The following GLB1L2 variants were observed in gnomAD, a reference collection of about 807,000 sequenced individuals.
GLB1L2 encodes galactosidase beta 1 like 2, also known as beta-galactosidase-1-like protein 2.
A neutral mutation model predicts 84.1 loss-of-function variants in GLB1L2; 68 were observed. The observed-to-expected ratio is 0.81, with a 90% confidence interval of 0.67 to 0.99. The LOEUF is 0.99. Among genes scored for constraint, GLB1L2 ranks in the 50% least tolerant of loss-of-function variants. The pLI is 0.00. For synonymous variants in GLB1L2, 290 were observed against 318.0 expected (o/e 0.91, Z 0.94); for missense variants, 762 against 805.6 (o/e 0.95, Z 0.66).
chr11:134,349,847 C>G (rs933274960), intron 5 of GLB1L2, among the ~76,000 whole-genome samples: 1 of 152,196 alleles, frequency 6.6e-6, no homozygotes, highest in Non-Finnish European at 1.5e-5. Context: ...ACAGGACCTG[C>G]CAGGACTGGG....
intron 9 of GLB1L2, among the ~76,000 whole-genome samples, chr11:134,368,015 G>A (rs1565441886): frequency 6.6e-6 from 1 of 152,158 alleles, no homozygotes; most frequent in Non-Finnish European, 1.5e-5. Context: ...GTGCATGCTC[G>A]CCCCTCAGCC....
intron 4 of GLB1L2, among the ~76,000 whole-genome samples, chr11:134,345,881 C>T (rs1042450326): frequency 2.0e-5 from 3 of 152,138 alleles, no homozygotes; most frequent in African/African-American, 7.2e-5. Flanking sequence ...CTATCTCGGC[C>T]CACGTGTGTC....
chr11:134,337,121 AACC>A (rs2136256334), intron 1 of GLB1L2, among the ~76,000 whole-genome samples: 1 of 152,318 alleles, frequency 6.6e-6, no homozygotes, highest in East Asian at 1.9e-4. Flanking sequence ...CTGCTCTCTG[AACC>A]ACCAATATTG....
At chr11:134,343,880 G>T (rs1943506714) in intron 2 of GLB1L2, among the ~76,000 whole-genome samples, 1 of 152,218 alleles carries the variant, frequency 6.6e-6, no homozygotes. Flanking sequence ...GGTGGGGCCG[G>T]GAGAAGAGCA....
intron 1 of GLB1L2, among the ~76,000 whole-genome samples, chr11:134,336,524 C>G (rs1943390845): frequency 6.6e-6 from 1 of 152,190 alleles, no homozygotes; most frequent in African/African-American, 2.4e-5. Context: ...CTACTGTAAA[C>G]AAAGCTGCTG....
Position 134,342,894 on chromosome 11 carries a change from A to G in GLB1L2, c.227A>G (p.Glu76Gly). 1 of 1,613,984 alleles carries G rather than the reference A, an allele frequency of 6.2e-7. No individual in the cohort carries two copies. Among genetic ancestry groups the G allele is most frequent in the East Asian group, 2.2e-5 (1 of 44,864 alleles). ...ATCCACTATTTCCGTGTGCCCAGGG[A>G]GTACTGGAGGGACCGCCTGCTGAAG... ...GSIHYFRVPREYWRDRLLKMK... is the reference protein window; with the variant it reads ...GSIHYFRVPRGYWRDRLLKMK... Residue 76 changes from glutamate to glycine, a missense_variant, in exon 2 of 19, where the codon GAG becomes GGG. Glu to Gly is a moderately conservative substitution (Grantham distance 98). This residue lies in a region of GLB1L2 where 59 missense variants were observed against 105.1 expected (regional missense o/e 0.56). Coordinates refer to ENST00000535456, the MANE Select transcript of GLB1L2 (RefSeq NM_001370461.1).
intron 2 of GLB1L2, among the ~76,000 whole-genome samples, chr11:134,343,239 T>TA (rs1233800661): frequency 6.6e-6 from 1 of 152,168 alleles, no homozygotes; most frequent in Non-Finnish European, 1.5e-5. Context: ...CTTTTTGTGT[T>TA]ACAAGCAGTC....
chr11:134,348,447 A>T (rs1943580486), intron 5 of GLB1L2, among the ~76,000 whole-genome samples: 1 of 152,240 alleles, frequency 6.6e-6, no homozygotes, highest in African/African-American at 2.4e-5. Context: ...TCGGGTGGGC[A>T]GCAGGATGGC....
chr11:134,356,234 G>A (rs563239256), intron 5 of GLB1L2, 67 bp from the exon 6 acceptor site: 649 of 1,203,050 alleles, frequency 5.4e-4, no homozygotes, highest in Non-Finnish European at 7.1e-4. Flanking sequence ...GGTGATGGGC[G>A]TGGCAGGGTT....
chr11:134,341,811 G>T (rs1221372487), intron 1 of GLB1L2, among the ~76,000 whole-genome samples: 1 of 152,170 alleles, frequency 6.6e-6, no homozygotes, highest in Admixed American at 6.5e-5. Flanking sequence ...GGGCCCTCTC[G>T]CTTGTTCCCT....
Position 134,370,860 on chromosome 11 carries a change from G to A in GLB1L2, c.1216-148G>A. The A allele has an allele frequency of 1.2e-6, 1 of 865,502 alleles. No individual in the cohort carries two copies. The highest frequency in any genetic ancestry group is 1.6e-5 in the South Asian group (1 of 62,382). The allele number at this position is 865,502 out of a possible 1,614,324, so 53.6% of individuals were successfully genotyped here. A position where few individuals can be genotyped will look rare whatever the true frequency, so the allele number is the denominator to read the frequency against. ...CACTCCTCTTCCCCGTCACCCTGGA[G>A]AGTTGTATGTTTAGTGCAATGAGAA... is the stretch of plus-strand genomic sequence containing the variant. On this transcript the variant is annotated intron_variant, in intron 12 of 18. Transcript: ENST00000535456. The surrounding 1 kb of genome is among the most constrained non-coding windows in gnomAD (Gnocchi z 4.7).
chr11:134,332,330 C>G (rs1461631236), intron 1 of GLB1L2, among the ~76,000 whole-genome samples, 183 bp downstream of exon 1: 1 of 152,122 alleles, frequency 6.6e-6, no homozygotes. Flanking sequence ...TCTACTCCTG[C>G]CGCGCGATCC....
rs751688239 is a variant in GLB1L2 at position 134,359,063 on chromosome 11, C to T, written c.655C>T (p.Leu219=). The change falls in exon 7 of 19, where the codon CTG becomes TTG. Residue 219 remains leucine (L), a synonymous_variant. Transcript: ENST00000535456. ...PAYMPYVKKA[L]EDRGIVELLL... is the part of the protein sequence containing the mutation. ...GCTTGTCTCATTTCCCCCACAGGCA[C>T]TGGAGGACCGTGGCATTGTGGAACT... The T allele has an allele frequency of 1.9e-6, 3 of 1,597,558 alleles. No homozygotes were observed. The highest frequency in any genetic ancestry group is 1.7e-5 in the Admixed American group (1 of 57,756).
In GLB1L2 at chr11:134,356,412, C is replaced by T. The variant is rs769523408; in HGVS notation, c.651+19C>T. ...CAAGAAGGTAAGAATCCTCTTAGTGCGTTTCTTTAGATTCCTTCCTCTGGA... is the reference window on the plus strand; with the variant it reads ...CAAGAAGGTAAGAATCCTCTTAGTGTGTTTCTTTAGATTCCTTCCTCTGGA... On this transcript the variant is annotated intron_variant, in intron 6 of 18. Transcript: ENST00000535456. 1.5e-5 allele frequency: 23 copies of T among 1,562,856 alleles called. No homozygotes were observed. Among genetic ancestry groups the T allele is most frequent in the Non-Finnish European group, 1.7e-5 (19 of 1,133,936 alleles).
intron 13 of GLB1L2, 21 bp from the exon 14 acceptor site, chr11:134,371,400 C>G (rs745347546): frequency 1.3e-5 from 19 of 1,497,190 alleles, no homozygotes; most frequent in Non-Finnish European, 1.8e-5. Flanking sequence ...CATGGATGTT[C>G]CTGCCTGTTC....
At chr11:134,371,278 C>G (rs891545421) in intron 13 of GLB1L2, 130 bp downstream of exon 13, 2 of 1,291,046 alleles carry the variant, frequency 1.5e-6, no homozygotes, top group Non-Finnish European at 2.2e-6. Flanking sequence ...GCTCTGTGAG[C>G]CTTCAGGGGG....
chr11:134,354,836 T>G (rs1943680685), intron 5 of GLB1L2, among the ~76,000 whole-genome samples: 1 of 152,198 alleles, frequency 6.6e-6, no homozygotes, highest in African/African-American at 2.4e-5. Flanking sequence ...CCTGAGTGGT[T>G]CTCTGGAATT....
At chr11:134,342,203 C>T (rs894697683) in intron 1 of GLB1L2, among the ~76,000 whole-genome samples, 7 of 152,068 alleles carry the variant, frequency 4.6e-5, no homozygotes, top group African/African-American at 1.2e-4. Flanking sequence ...ACGGCCTTCC[C>T]GTGGGGGACT....
intron 15 of GLB1L2, 118 bp downstream of exon 15, chr11:134,371,948 G>A (rs1943959782): frequency 2.1e-6 from 2 of 955,190 alleles, no homozygotes; most frequent in Non-Finnish European, 3.3e-6. Flanking sequence ...GGTGGAGGCT[G>A]GGTTGTCCCA....
Sources: allele counts gnomAD v4.1 joint callset (sites outside exome capture counted in the v4.1 genomes callset), GRCh38; gene constraint gnomAD v4.1.1; regional missense constraint gnomAD v4.1.1; non-coding constraint Gnocchi (gnomAD v3.1); transcripts MANE v1.5; gene names NCBI Gene and HGNC (gene_info 2026-07-23, HGNC 2026-07-21).